NHSL2: variants seen among roughly 807,000 people sequenced by gnomAD.
NHSL2 encodes the protein NHS like 2.
Under a neutral mutation model 53.4 loss-of-function variants are expected in NHSL2, and 27 were observed. The ratio of observed to expected loss-of-function variants is 0.51; its 90% CI spans 0.37 to 0.70. The LOEUF (loss-of-function observed/expected upper bound fraction) is 0.70. Ranked by LOEUF, NHSL2 falls within the 30% of genes least tolerant of loss-of-function variation. The pLI is 0.00. For missense variants in NHSL2, 892 were observed against 980.1 expected, an observed-to-expected ratio of 0.91 and a Z score of 1.20; for synonymous variants, 408 against 404.1, an observed-to-expected ratio of 1.01 and a Z score of -0.12.
chrX:72,057,394 G>A (rs1431201179), intron 1 of NHSL2, among the ~76,000 whole-genome samples: 1 of 111,956 alleles, frequency 8.9e-6, no homozygotes, highest in African/African-American at 3.3e-5. Flanking sequence ...TACATAAATA[G>A]TATTGATCCA....
intron 1 of NHSL2, among the ~76,000 whole-genome samples, chrX:72,091,641 G>A (rs934236651): frequency 9.0e-6 from 1 of 110,826 alleles, no homozygotes; most frequent in African/African-American, 3.3e-5. Context: ...GGTGGGGGTG[G>A]GAGTGTGGTC....
At chrX:72,118,095 A>G (rs1229187284) in intron 1 of NHSL2, among the ~76,000 whole-genome samples, 2 of 111,333 alleles carry the variant, frequency 1.8e-5, no homozygotes, top group Non-Finnish European at 3.8e-5. Flanking sequence ...TCAGCAATGT[A>G]TTAACACAAG....
intron 1 of NHSL2, among the ~76,000 whole-genome samples, chrX:71,941,200 T>C (rs184165280): frequency 8.9e-6 from 1 of 111,851 alleles, no homozygotes; most frequent in East Asian, 2.8e-4. Context: ...TGTCTGTGTG[T>C]CTGCTTTTGC....
At chrX:71,944,977 GA>G (rs1235758836) in intron 1 of NHSL2, among the ~76,000 whole-genome samples, 1 of 111,855 alleles carries the variant, frequency 8.9e-6, no homozygotes. Flanking sequence ...GGAAAAGGCA[GA>G]AAAAAATAGT....
intron 1 of NHSL2, among the ~76,000 whole-genome samples, chrX:72,040,643 C>T (rs1052123415): frequency 1.8e-5 from 2 of 112,054 alleles, no homozygotes; most frequent in Admixed American, 1.9e-4. Flanking sequence ...CAGGAGCATC[C>T]CCTGAGCACG....
At chrX:72,018,552 G>T (rs1422900476) in intron 1 of NHSL2, among the ~76,000 whole-genome samples, 1 of 113,011 alleles carries the variant, frequency 8.8e-6, no homozygotes, top group Non-Finnish European at 1.9e-5. Flanking sequence ...CGGCCCCCGG[G>T]CTGCTTTTCG....
chrX:72,087,581 A>G (rs752132106), intron 1 of NHSL2, among the ~76,000 whole-genome samples: 4 of 112,998 alleles, frequency 3.5e-5, no homozygotes. Context: ...AATAAGATTT[A>G]AAAGTTGGGG....
At chrX:72,134,322 C>T in intron 3 of NHSL2, 104 bp downstream of exon 3, 1 of 943,413 alleles carries the variant, frequency 1.1e-6, no homozygotes, top group African/African-American at 1.9e-5. Flanking sequence ...CCCTGCTCAC[C>T]AGCAGAGCTA....
chrX:72,077,865 G>A (rs1260346971), intron 1 of NHSL2, among the ~76,000 whole-genome samples: 2 of 112,265 alleles, frequency 1.8e-5, no homozygotes, highest in Non-Finnish European at 1.9e-5. Flanking sequence ...GCCCTCCTGC[G>A]CCTTAGAGGG....
At chrX:72,018,600 G>A (rs2042145390) in intron 1 of NHSL2, among the ~76,000 whole-genome samples, 2 of 112,912 alleles carry the variant, frequency 1.8e-5, no homozygotes, top group Non-Finnish European at 3.8e-5. Flanking sequence ...GGCGCGTGCG[G>A]AGGCGGCGAG....
chrX:72,060,677 A>G (rs1266944092), intron 1 of NHSL2, among the ~76,000 whole-genome samples: 2 of 112,172 alleles, frequency 1.8e-5, no homozygotes, highest in Non-Finnish European at 1.9e-5. Flanking sequence ...TCATCGACAA[A>G]CATAAAACCA....
In NHSL2 at chrX:72,140,442, A is replaced by G. The variant is rs762135239; in HGVS notation, c.2894A>G (p.Gln965Arg). Residue 965 changes from glutamine (Q) to arginine (R), a missense_variant, in exon 6 of 8, where the codon CAG (glutamine) becomes CGG (arginine). Gln to Arg is a conservative substitution (Grantham distance 43, BLOSUM62 1). Coordinates refer to ENST00000633930, the MANE Select transcript of NHSL2 (RefSeq NM_001013627.3). ...SSDAFFSGTQQPPQGSVEDEG... is the reference protein window; with the variant it reads ...SSDAFFSGTQRPPQGSVEDEG... ...GATGCTTTCTTCTCAGGAACACAGC[A>G]GCCTCCCCAGGGAAGTGTAGAGGAC... The G allele has an allele frequency of 4.1e-6, 5 of 1,207,590 alleles. No homozygotes were observed. The East Asian group carries it at 1.5e-4, about 36-fold the overall frequency.
intron 1 of NHSL2, among the ~76,000 whole-genome samples, chrX:71,982,906 A>C (rs1232910094): frequency 8.9e-6 from 1 of 112,427 alleles, no homozygotes; most frequent in East Asian, 2.8e-4. Flanking sequence ...GGGAACTCCA[A>C]TTTGAAGCTG....
chrX:72,073,214 C>T (rs2147408660), intron 1 of NHSL2, among the ~76,000 whole-genome samples: 1 of 111,346 alleles, frequency 9.0e-6, no homozygotes, highest in African/African-American at 3.3e-5. Flanking sequence ...TGAGCTGCAG[C>T]AGGGAAAGGA....
chrX:71,957,154 G>A (rs1438987588), intron 1 of NHSL2, among the ~76,000 whole-genome samples: 1 of 112,375 alleles, frequency 8.9e-6, no homozygotes, highest in Non-Finnish European at 1.9e-5. Flanking sequence ...CAGCAGGACA[G>A]GATAGAAATC....
chrX:71,963,742 G>A (rs1401757484), intron 1 of NHSL2, among the ~76,000 whole-genome samples: 2 of 106,523 alleles, frequency 1.9e-5, no homozygotes, highest in African/African-American at 3.4e-5. Flanking sequence ...TGGGCAACAT[G>A]GGGAGACCCC....
In NHSL2 at chrX:72,134,711, T is replaced by C; in HGVS notation, c.760+7T>C. 9.6e-6 allele frequency: 11 copies of C among 1,148,052 alleles called. No individual in the cohort carries two copies. The highest frequency in any genetic ancestry group is 1.3e-5 in the Non-Finnish European group (11 of 855,386). The allele number at this position is 1,148,052 out of a possible 1,213,427, so 94.6% of individuals were successfully genotyped here. A position where few individuals can be genotyped will look rare whatever the true frequency, so the allele number is the denominator to read the frequency against. On this transcript the variant is annotated splice_region_variant and intron_variant, in intron 4 of 7. Coordinates refer to ENST00000633930, the MANE Select transcript of NHSL2 (RefSeq NM_001013627.3). ...GTGCCCATCAACATCTCTGGTAGAG[T>C]TGCTTAGCACCGCCTTTGTCTTCTT...
chrX:71,979,404 ACG>A (rs2041964209), intron 1 of NHSL2, among the ~76,000 whole-genome samples: 1 of 111,198 alleles, frequency 9.0e-6, no homozygotes, highest in South Asian at 3.8e-4. Context: ...CTATTTCTCC[ACG>A]TCCTCTCCAG....
intron 1 of NHSL2, among the ~76,000 whole-genome samples, chrX:72,103,037 C>T (rs1375202021): frequency 2.7e-5 from 3 of 112,213 alleles, no homozygotes; most frequent in Non-Finnish European, 5.6e-5. Flanking sequence ...CATTCCTTCC[C>T]GGGGGACAGA....
Sources: gnomAD v4.1 joint callset for allele counts (sites outside exome capture counted in the v4.1 genomes callset) on GRCh38, gnomAD v4.1.1 for gene constraint, MANE v1.5 for transcripts, NCBI Gene and HGNC (gene_info 2026-07-23, HGNC 2026-07-21) for gene names.